Variants in MAP4 observed in about 807,000 individuals in gnomAD.
MAP4 encodes the protein microtubule-associated protein 4.
MAP4 carries 76 observed loss-of-function variants against 170.2 expected under a neutral mutation model. The observed-to-expected ratio is 0.45, with a 90% CI of 0.37 to 0.54. The LOEUF is 0.54. Ranked by LOEUF, MAP4 falls within the 20% of genes least tolerant of loss-of-function variation. The probability of loss-of-function intolerance (pLI) is 0.00; values close to 1 mark genes in which losing one functional copy is unlikely to be tolerated. For missense variants in MAP4, 2,506 were observed against 2,748.0 expected (o/e 0.91, Z 1.97); for synonymous variants, 909 against 994.5 (o/e 0.91, Z 1.62).
chr3:47,958,568 G>C (rs1347119970), intron 3 of MAP4, among the ~76,000 whole-genome samples: 1 of 152,090 alleles, frequency 6.6e-6, no homozygotes, highest in Non-Finnish European at 1.5e-5. Flanking sequence ...CCAGGCTGGA[G>C]TGCAGTGGTG....
chr3:47,936,934 C>T (rs1404364504), intron 3 of MAP4, among the ~76,000 whole-genome samples: 1 of 149,214 alleles, frequency 6.7e-6, no homozygotes, highest in South Asian at 2.1e-4. Flanking sequence ...GAGCCAAGAT[C>T]GCGCCACTGC....
At position 47,945,840 on chromosome 3, in the gene MAP4, T is replaced by C. The variant is rs1017734830; in HGVS notation, c.293-17490A>G. Among the ~76,000 whole-genome samples the C allele has an allele frequency of 5.9e-5, 9 of 151,924 alleles. 1 individual carries two copies. The highest frequency in any genetic ancestry group is 3.4e-3 in the Middle Eastern group (1 of 294). ...GCTCAAGTGACCTCAGTCTCCCAAG[T>C]ATCTGGGACTACAGGCACACATCAC... is the stretch of plus-strand genomic sequence containing the variant. On this transcript the variant is annotated intron_variant, in intron 3 of 20. Coordinates refer to ENST00000683076, the MANE Select transcript of MAP4 (RefSeq NM_001385682.1).
chr3:48,036,201 GATCA>G (rs1350071453), intron 1 of MAP4, among the ~76,000 whole-genome samples: 2 of 152,100 alleles, frequency 1.3e-5, no homozygotes, highest in African/African-American at 4.8e-5. Flanking sequence ...AAAGCAAAAT[GATCA>G]TTCAACAGAC....
intron 2 of MAP4, among the ~76,000 whole-genome samples, chr3:47,992,451 G>C (rs899914589): frequency 2.0e-5 from 3 of 151,690 alleles, no homozygotes; most frequent in African/African-American, 7.3e-5. Context: ...TTAGAGACGG[G>C]GTCTCTCTCT....
At chr3:47,872,766 T>C (rs193177727) in intron 12 of MAP4, among the ~76,000 whole-genome samples, 156 of 152,308 alleles carry the variant, frequency 1.0e-3, no homozygotes, top group Non-Finnish European at 1.9e-3. Context: ...CACACACGCA[T>C]ATATTTTAAT....
At chr3:47,891,088 T>C in intron 10 of MAP4, 3 of 1,534,788 alleles carry the variant, frequency 2.0e-6, no homozygotes, top group Non-Finnish European at 2.6e-6. Flanking sequence ...CCTCAATTTC[T>C]TTCTTCCCTG....
chr3:47,854,634 A>G (rs185635984), intron 19 of MAP4, among the ~76,000 whole-genome samples: 50 of 152,236 alleles, frequency 3.3e-4, no homozygotes, highest in Non-Finnish European at 2.9e-4. Context: ...TGGAAGGAGG[A>G]AGGGAGGAAA....
At chr3:48,055,188 CTCTCCCTCTCCGTCTCCG>C (rs1453943597) in intron 1 of MAP4, among the ~76,000 whole-genome samples, 186 of 64,582 alleles carry the variant, frequency 2.9e-3, no homozygotes, top group African/African-American at 0.01. Context: ...CTCCCTCTCC[CTCTCCCTCTCCGTCTCCG>C]TCTCCGTCTC....
chr3:47,853,861 A>G (rs377165596), intron 19 of MAP4, among the ~76,000 whole-genome samples: 36 of 152,258 alleles, frequency 2.4e-4, no homozygotes, highest in African/African-American at 8.4e-4. Context: ...GCGGGGCACC[A>G]TTCTGGGACC....
At position 47,855,968 on chromosome 3, in the gene MAP4, G is replaced by A. The variant is rs781679059; in HGVS notation, c.6584-608C>T. On this transcript the variant is annotated intron_variant, in intron 18 of 20. Coordinates refer to ENST00000683076, the MANE Select transcript of MAP4 (RefSeq NM_001385682.1). The surrounding 1 kb of genome is among the most constrained non-coding windows in gnomAD (Gnocchi z 5.1). ...GGACAGAGTGGCCCCGAGGCTGTGCGCTGAGGAAGGAAAGACATGGACCAA... is the reference window on the plus strand; with the variant it reads ...GGACAGAGTGGCCCCGAGGCTGTGCACTGAGGAAGGAAAGACATGGACCAA... Among the ~76,000 whole-genome samples the A allele has an allele frequency of 3.3e-5, 5 of 152,096 alleles. No homozygotes were observed. The highest frequency in any genetic ancestry group is 1.9e-4 in the East Asian group (1 of 5,182).
chr3:47,968,696 T>C (rs948894630), intron 3 of MAP4, among the ~76,000 whole-genome samples: 18 of 150,616 alleles, frequency 1.2e-4, no homozygotes, highest in East Asian at 5.9e-4. Flanking sequence ...ACTAGAAAAA[T>C]AGCAAACTAA....
At chr3:48,044,624 G>A (rs139179207) in intron 1 of MAP4, among the ~76,000 whole-genome samples, 2,566 of 151,986 alleles carry the variant, frequency 0.017, 63 homozygotes, top group African/African-American at 0.049. Flanking sequence ...TTAGCCAGGG[G>A]TAGTGGCACA....
chr3:47,873,247 G>A (rs962348950), intron 12 of MAP4, among the ~76,000 whole-genome samples: 1 of 152,180 alleles, frequency 6.6e-6, no homozygotes, highest in Non-Finnish European at 1.5e-5. Flanking sequence ...CTTGGCATCT[G>A]GGTCACTCTA....
intron 3 of MAP4, among the ~76,000 whole-genome samples, chr3:47,962,767 C>T (rs192034784): frequency 1.2e-4 from 19 of 152,244 alleles, no homozygotes; most frequent in African/African-American, 3.4e-4. Context: ...TATCACCTAC[C>T]GCAGAACATA....
At chr3:47,891,972 T>C (rs1410130079) in intron 10 of MAP4, 1 of 1,536,312 alleles carries the variant, frequency 6.5e-7, no homozygotes, top group East Asian at 2.4e-5. Context: ...TTAACATATC[T>C]GGTAGGGATG....
chr3:47,938,337 A>C (rs1411401279), intron 3 of MAP4, among the ~76,000 whole-genome samples: 2 of 152,148 alleles, frequency 1.3e-5, no homozygotes, highest in African/African-American at 4.8e-5. Context: ...CACTGCACCC[A>C]GCCTGGGCGA....
chr3:48,040,899 C>T (rs776963426), intron 1 of MAP4, among the ~76,000 whole-genome samples: 6 of 151,862 alleles, frequency 4.0e-5, no homozygotes, highest in East Asian at 3.9e-4. Context: ...GGGGTTTTGC[C>T]GTTGTTAGCC....
intron 3 of MAP4, chr3:47,973,886 A>G (rs1471058394): frequency 1.9e-5 from 19 of 985,212 alleles, no homozygotes; most frequent in Non-Finnish European, 2.0e-5. Flanking sequence ...GAGAGTTTTA[A>G]TATTTTATCA....
intron 10 of MAP4, among the ~76,000 whole-genome samples, chr3:47,896,805 T>C: frequency 6.6e-6 from 1 of 152,156 alleles, no homozygotes; most frequent in East Asian, 1.9e-4. Context: ...AATTTCAAAA[T>C]CTGGGGCACT....
Sources: allele counts gnomAD v4.1 joint callset (sites outside exome capture counted in the v4.1 genomes callset), GRCh38; gene constraint gnomAD v4.1.1; non-coding constraint Gnocchi (gnomAD v3.1); transcripts MANE v1.5; gene names NCBI Gene and HGNC (gene_info 2026-07-23, HGNC 2026-07-21).